The following TACR1 variants were observed in gnomAD, a reference collection of about 807,000 sequenced individuals.
TACR1 encodes the protein substance-P receptor.
TACR1 carries 25 observed loss-of-function variants against 35.8 expected under a neutral mutation model. That is an observed-to-expected ratio of 0.70 (90% CI 0.51 to 0.98). The LOEUF (loss-of-function observed/expected upper bound fraction) is 0.98, where lower values mean the gene tolerates loss of function less well. TACR1 is among the 50% of genes least tolerant of loss of function. The probability of loss-of-function intolerance (pLI) is 0.00; values close to 1 mark genes in which losing one functional copy is unlikely to be tolerated. For synonymous variants in TACR1, 195 were observed against 206.7 expected, an observed-to-expected ratio of 0.94 and a Z score of 0.48; for missense variants, 478 against 522.9, an observed-to-expected ratio of 0.91 and a Z score of 0.84.
chr2:75,089,141 A>G lies in TACR1; in HGVS notation c.584+31433T>C, dbSNP rs979885778. On this transcript the variant is annotated intron_variant, in intron 2 of 4. Transcript: ENST00000305249. Reference sequence around the variant, plus strand: ...CTGCAAGGCAGGTACAGAGCTCTAAATTAGTCCACTGGTAGAGAATTCTTC... The same window carrying G: ...CTGCAAGGCAGGTACAGAGCTCTAAGTTAGTCCACTGGTAGAGAATTCTTC... 3.9e-5 allele frequency among the ~76,000 whole-genome samples: 6 copies of G among 152,318 alleles called. No homozygotes were observed. In the East Asian group the frequency reaches 7.7e-4, roughly 20 times the overall value.
chr2:75,061,286 T>C (rs1195449600), intron 2 of TACR1, among the ~76,000 whole-genome samples: 1 of 151,902 alleles, frequency 6.6e-6, no homozygotes, highest in Non-Finnish European at 1.5e-5. Context: ...AGGAACTTGC[T>C]CTCTGCTTTG....
chr2:75,181,362 A>T (rs1248464596), intron 1 of TACR1, among the ~76,000 whole-genome samples: 2 of 152,208 alleles, frequency 1.3e-5, no homozygotes, highest in African/African-American at 4.8e-5. Context: ...AGGAAATATA[A>T]TCTGAGCAGG....
At chr2:75,071,266 T>C (rs1484426433) in intron 2 of TACR1, among the ~76,000 whole-genome samples, 1 of 152,216 alleles carries the variant, frequency 6.6e-6, no homozygotes, top group Admixed American at 6.5e-5. Flanking sequence ...ATTACAATCA[T>C]TATAGAGGAA....
At chr2:75,096,249 G>A (rs375111381) in intron 2 of TACR1, among the ~76,000 whole-genome samples, 5 of 152,276 alleles carry the variant, frequency 3.3e-5, no homozygotes, top group African/African-American at 1.2e-4. Flanking sequence ...GAGTGGTTGG[G>A]TTAACAAGTT....
chr2:75,050,096 G>A (rs1440989230), intron 4 of TACR1, among the ~76,000 whole-genome samples: 1 of 152,154 alleles, frequency 6.6e-6, no homozygotes, highest in Admixed American at 6.5e-5. Flanking sequence ...GTTACTGGGT[G>A]GTAAAAACAC....
chr2:75,097,293 A>C (rs1673442671), intron 2 of TACR1, among the ~76,000 whole-genome samples: 1 of 152,166 alleles, frequency 6.6e-6, no homozygotes. Context: ...AATGTTCTAC[A>C]ATGAAGGAAC....
intron 1 of TACR1, among the ~76,000 whole-genome samples, chr2:75,127,392 A>G (rs193278523): frequency 3.1e-4 from 47 of 152,326 alleles, no homozygotes; most frequent in African/African-American, 1.0e-3. Context: ...TTGTTTATTA[A>G]TATTAGCAGC....
chr2:75,158,379 G>C (rs191628811), intron 1 of TACR1, among the ~76,000 whole-genome samples: 3 of 152,168 alleles, frequency 2.0e-5, no homozygotes, highest in Admixed American at 6.5e-5. Context: ...CCCAGTGTCT[G>C]GCTTAATAAG....
At chr2:75,137,996 A>T (rs1674332841) in intron 1 of TACR1, among the ~76,000 whole-genome samples, 1 of 152,208 alleles carries the variant, frequency 6.6e-6, no homozygotes, top group African/African-American at 2.4e-5. Flanking sequence ...AAGACAGCTT[A>T]ATAGCTTCAA....
intron 1 of TACR1, among the ~76,000 whole-genome samples, chr2:75,177,674 A>T (rs1346265292): frequency 6.6e-6 from 1 of 152,128 alleles, no homozygotes; most frequent in African/African-American, 2.4e-5. Context: ...ACCACCCTAC[A>T]GTCACTCCTC....
intron 2 of TACR1, among the ~76,000 whole-genome samples, chr2:75,058,161 C>A (rs1672607091): frequency 7.0e-6 from 1 of 143,170 alleles, no homozygotes; most frequent in Non-Finnish European, 1.6e-5. Flanking sequence ...TCCAACTTAT[C>A]AAAAATTATA....
chr2:75,135,248 A>G (rs532906331), intron 1 of TACR1, among the ~76,000 whole-genome samples: 1 of 152,346 alleles, frequency 6.6e-6, no homozygotes, highest in East Asian at 1.9e-4. Context: ...AATCTTTCTT[A>G]AAGTGATTTC....
intron 2 of TACR1, among the ~76,000 whole-genome samples, chr2:75,105,473 TTAA>T (rs1386921497): frequency 6.6e-6 from 1 of 151,976 alleles, no homozygotes; most frequent in African/African-American, 2.4e-5. Flanking sequence ...ATGACTATAG[TTAA>T]TAATAATGCA....
chr2:75,060,442 G>A (rs1573460078), intron 2 of TACR1, among the ~76,000 whole-genome samples: 1 of 152,158 alleles, frequency 6.6e-6, no homozygotes, highest in East Asian at 1.9e-4. Context: ...GAGGTAGGCA[G>A]GTGAGTTGGG....
At position 75,053,872 on chromosome 2, in the gene TACR1, T is replaced by G. The variant is rs568016191; in HGVS notation, c.585-117A>C. Reference sequence around the variant, plus strand: ...AGCTACCTTTCTCAGCATATGCCATTAATAAGCTTGGGCTGTAAAGCCCAC... The same window carrying G: ...AGCTACCTTTCTCAGCATATGCCATGAATAAGCTTGGGCTGTAAAGCCCAC... On this transcript the variant is annotated intron_variant, in intron 2 of 4. Coordinates refer to ENST00000305249, the MANE Select transcript of TACR1 (RefSeq NM_001058.4). 41 of 1,392,374 alleles carry G rather than the reference T, an allele frequency of 2.9e-5. No homozygotes were observed. In the African/African-American group the frequency reaches 5.6e-4, roughly 19 times the overall value. 86.3% of individuals were successfully genotyped at this position (1,392,374 alleles called of 1,614,324 possible).
In TACR1 at chr2:75,190,841, AG is replaced by A. The variant is rs539636805; in HGVS notation, c.389+7704del. On this transcript the variant is annotated intron_variant, in intron 1 of 4. Transcript: ENST00000305249. The stretch of plus-strand genomic sequence containing the variant: ...CAAAGGCTAGGAGTAAGTTTATTAA[AG>A]GGTGCGCTCATACAAAAGACATGAA... Among the ~76,000 whole-genome samples, 255 of 152,308 alleles carry A rather than the reference AG, an allele frequency of 1.7e-3. 1 individual carries two copies. The highest frequency in any genetic ancestry group is 2.8e-3 in the Admixed American group (43 of 15,302).
At chr2:75,094,859 A>ATATATATATATAT in intron 2 of TACR1, among the ~76,000 whole-genome samples, 161 of 113,068 alleles carry the variant, frequency 1.4e-3, no homozygotes, top group Non-Finnish European at 2.1e-3. Flanking sequence ...ATATATATAT[A>ATATATATATATAT]TTTTTTTTTT....
At chr2:75,117,328 C>T (rs543807420) in intron 2 of TACR1, among the ~76,000 whole-genome samples, 1 of 152,256 alleles carries the variant, frequency 6.6e-6, no homozygotes, top group South Asian at 2.1e-4. Flanking sequence ...ACCATACAGC[C>T]AGAAGGCAGG....
At chr2:75,111,057 C>T (rs1673740231) in intron 2 of TACR1, among the ~76,000 whole-genome samples, 1 of 151,876 alleles carries the variant, frequency 6.6e-6, no homozygotes, top group African/African-American at 2.4e-5. Flanking sequence ...TTGAGGGTTG[C>T]TTTACTCTTA....
Sources: allele counts gnomAD v4.1 joint callset (sites outside exome capture counted in the v4.1 genomes callset), GRCh38; gene constraint gnomAD v4.1.1; transcripts MANE v1.5; gene names NCBI Gene and HGNC (gene_info 2026-07-23, HGNC 2026-07-21).